The following MSH4 variants were observed in gnomAD, a reference collection of about 807,000 sequenced individuals.
MSH4 encodes the protein mutS protein homolog 4.
In MSH4, 106 loss-of-function variants were observed where a neutral mutation model predicts 113.7. The ratio of observed to expected loss-of-function variants is 0.93; its 90% CI spans 0.80 to 1.10. The LOEUF is 1.10. Among genes scored for constraint, MSH4 ranks in the 50% least tolerant of loss-of-function variants. The probability of loss-of-function intolerance (pLI) is 0.00; values close to 1 mark genes in which losing one functional copy is unlikely to be tolerated. For synonymous variants in MSH4, 368 were observed against 380.2 expected, an observed-to-expected ratio of 0.97 and a Z score of 0.37; for missense variants, 1,061 against 1,093.7, an observed-to-expected ratio of 0.97 and a Z score of 0.42.
intron 7 of MSH4, among the ~76,000 whole-genome samples, chr1:75,845,224 A>G (rs1391029465): frequency 6.6e-6 from 1 of 152,200 alleles, no homozygotes; most frequent in Non-Finnish European, 1.5e-5. Flanking sequence ...TCCTTCTCAC[A>G]TGCAAAATAC....
intron 1 of MSH4, among the ~76,000 whole-genome samples, chr1:75,801,072 A>G (rs1649925080): frequency 6.6e-6 from 1 of 152,228 alleles, no homozygotes; most frequent in South Asian, 2.1e-4. Flanking sequence ...AATCAAGAAT[A>G]TTTTGTGATA....
intron 9 of MSH4, among the ~76,000 whole-genome samples, chr1:75,871,837 A>G (rs1341744177): frequency 3.3e-5 from 5 of 152,228 alleles, no homozygotes; most frequent in African/African-American, 1.2e-4. Context: ...TAAGTAGAGT[A>G]GAACTGCAGT....
rs55677113 is a variant in MSH4, at chr1:75,905,148, G to GTT, written c.2619+5450_2619+5451dup. Among the ~76,000 whole-genome samples the GTT allele has an allele frequency of 6.1e-4, 90 of 147,294 alleles. 2 individuals are homozygous for GTT. The East Asian group carries it at 0.013, about 21-fold the overall frequency. ...AGAAGTACCACGTTAGGTTGTTGTTGTTTTTTTTTAAATGTTTCTACTTTT... is the reference window on the plus strand; with the variant it reads ...AGAAGTACCACGTTAGGTTGTTGTTGTTTTTTTTTTTAAATGTTTCTACTTTT... On this transcript the variant is annotated intron_variant, in intron 19 of 19. Transcript: ENST00000263187.
intron 8 of MSH4, among the ~76,000 whole-genome samples, chr1:75,858,670 G>C: frequency 6.6e-6 from 1 of 152,308 alleles, no homozygotes; most frequent in Non-Finnish European, 1.5e-5. Flanking sequence ...CGGTTTGCCA[G>C]TATTTTATTG....
intron 7 of MSH4, among the ~76,000 whole-genome samples, chr1:75,842,674 C>T (rs1287866220): frequency 6.6e-6 from 1 of 152,290 alleles, no homozygotes; most frequent in South Asian, 2.1e-4. Context: ...CTGTTATGCC[C>T]GGACAGGGCC....
intron 13 of MSH4, 122 bp from the exon 14 acceptor site, chr1:75,881,124 G>C: frequency 1.4e-6 from 1 of 727,708 alleles, no homozygotes; most frequent in South Asian, 2.3e-5. Flanking sequence ...TTTATCTATA[G>C]TGTATAACTC....
chr1:75,807,299 C>T (rs1650091627), intron 3 of MSH4, among the ~76,000 whole-genome samples, 158 bp downstream of exon 3: 1 of 152,062 alleles, frequency 6.6e-6, no homozygotes, highest in Non-Finnish European at 1.5e-5. Context: ...TGTGTTATAT[C>T]TGATTTTTAT....
intron 7 of MSH4, among the ~76,000 whole-genome samples, chr1:75,824,117 C>T (rs1417099326): frequency 6.6e-6 from 1 of 152,108 alleles, no homozygotes; most frequent in East Asian, 1.9e-4. Context: ...TCCTATTTCT[C>T]CACATCCTCT....
At position 75,886,519 on chromosome 1, in the gene MSH4, ATGATG is replaced by A. The variant is rs1164640016; in HGVS notation, c.2107+2700_2107+2704del. Among the ~76,000 whole-genome samples, 21 of 106,920 alleles carry A rather than the reference ATGATG, an allele frequency of 2.0e-4. No individual in the cohort carries two copies. In the East Asian group the frequency reaches 9.9e-3, roughly 50 times the overall value. The allele number at this position is 106,920 out of a possible 152,430, so 70.1% of individuals were successfully genotyped here. Reference sequence around the variant, plus strand: ...ATATGATGTATTATATATAATATATATGATGTATTATATATATTATTATCTATTAT... The same window carrying A: ...ATATGATGTATTATATATAATATATATATTATATATATTATTATCTATTAT... On this transcript the variant is annotated intron_variant, in intron 15 of 19. Transcript: ENST00000263187.
At chr1:75,894,593 T>C (rs759256558) in intron 17 of MSH4, among the ~76,000 whole-genome samples, 5 of 152,242 alleles carry the variant, frequency 3.3e-5, no homozygotes, top group Non-Finnish European at 5.9e-5. Context: ...GACATCAGTT[T>C]GCCTTCTGTA....
At chr1:75,910,408 C>T (rs1379199344) in intron 19 of MSH4, among the ~76,000 whole-genome samples, 1 of 149,704 alleles carries the variant, frequency 6.7e-6, no homozygotes, top group Non-Finnish European at 1.5e-5. Context: ...TTCTTCTGTC[C>T]CTTCTTCACT....
rs188637483 is a variant in MSH4, at chr1:75,866,676, C to A, written c.1231-838C>A. 2.6e-5 allele frequency among the ~76,000 whole-genome samples: 4 copies of A among 151,908 alleles called. No homozygotes were observed. In the East Asian group the frequency reaches 7.7e-4, roughly 29 times the overall value. On this transcript the variant is annotated intron_variant, in intron 8 of 19. Coordinates refer to ENST00000263187, the MANE Select transcript of MSH4 (RefSeq NM_002440.4). ...TATTGTGCAGTGGGGCTATAGACCA[C>A]GGTACCTCAAAAAGAAACATCTGGC...
chr1:75,831,829 A>C (rs1650698229), intron 7 of MSH4, among the ~76,000 whole-genome samples: 1 of 152,220 alleles, frequency 6.6e-6, no homozygotes, highest in African/African-American at 2.4e-5. Context: ...CACAAGAGAA[A>C]GCAGGAAAGA....
intron 19 of MSH4, among the ~76,000 whole-genome samples, chr1:75,909,130 A>G (rs112336109): frequency 8.1e-4 from 124 of 152,258 alleles, no homozygotes; most frequent in African/African-American, 2.7e-3. Context: ...TTAGGCAGGA[A>G]TGATTTTTCT....
At position 75,887,522 on chromosome 1, in the gene MSH4, G is replaced by A. The variant is rs139485536; in HGVS notation, c.2108-1729G>A. ...CTGTATATACCTTGCATGATAATAC[G>A]CATTTCACGTTTATCTGCCTGGAAA... is the stretch of plus-strand genomic sequence containing the variant. On this transcript the variant is annotated intron_variant, in intron 15 of 19. Coordinates refer to ENST00000263187, the MANE Select transcript of MSH4 (RefSeq NM_002440.4). Among the ~76,000 whole-genome samples the A allele has an allele frequency of 3.3e-3, 508 of 152,110 alleles. 2 individuals carry two copies. Among genetic ancestry groups the A allele is most frequent in the African/African-American group, 0.011 (454 of 41,510 alleles).
Position 75,880,750 on chromosome 1 carries a change from A to G in MSH4, c.1782-496A>G, listed in dbSNP as rs12121836. The stretch of plus-strand genomic sequence containing the variant: ...ATAACTCTGCCTTATAAAAACTTAA[A>G]TAATTATATTATTCAGATATTGTGT... On this transcript the variant is annotated intron_variant, in intron 13 of 19. Transcript: ENST00000263187. Among the ~76,000 whole-genome samples the G allele has an allele frequency of 1.4e-3, 206 of 152,090 alleles. 1 individual carries two copies. Among genetic ancestry groups the G allele is most frequent in the Admixed American group, 2.1e-3 (32 of 15,240 alleles).
At chr1:75,843,047 C>A (rs888955150) in intron 7 of MSH4, among the ~76,000 whole-genome samples, 1 of 152,188 alleles carries the variant, frequency 6.6e-6, no homozygotes, top group African/African-American at 2.4e-5. Flanking sequence ...CTCTGATATG[C>A]AGAAATAATG....
At chr1:75,809,306 G>A (rs564836650) in intron 3 of MSH4, among the ~76,000 whole-genome samples, 41 of 151,672 alleles carry the variant, frequency 2.7e-4, no homozygotes, top group Admixed American at 1.1e-3. Context: ...CCTCTTTATG[G>A]TCCTCCAGTG....
At chr1:75,813,857 A>G (rs895007456) in intron 4 of MSH4, among the ~76,000 whole-genome samples, 2 of 152,066 alleles carry the variant, frequency 1.3e-5, no homozygotes, top group South Asian at 2.1e-4. Flanking sequence ...AGAAAAAAAA[A>G]CAGACCTGCA....
Sources: gnomAD v4.1 joint callset for allele counts (sites outside exome capture counted in the v4.1 genomes callset) on GRCh38, gnomAD v4.1.1 for gene constraint, MANE v1.5 for transcripts, NCBI Gene and HGNC (gene_info 2026-07-23, HGNC 2026-07-21) for gene names.